Variants in GRM3 observed in about 807,000 individuals in gnomAD.
GRM3 encodes the protein metabotropic glutamate receptor 3.
GRM3 carries 26 observed loss-of-function variants against 70.5 expected under a neutral mutation model. The ratio of observed to expected loss-of-function variants is 0.37; its 90% CI spans 0.27 to 0.51. The LOEUF is 0.51. Ranked by LOEUF, GRM3 falls within the 20% of genes least tolerant of loss-of-function variation. The probability of loss-of-function intolerance (pLI) is 0.93; values close to 1 mark genes in which losing one functional copy is unlikely to be tolerated. For missense variants in GRM3, 859 were observed against 1,123.8 expected (o/e 0.76, Z 3.37); for synonymous variants, 443 against 434.9 (o/e 1.02, Z -0.23).
intron 1 of GRM3, among the ~76,000 whole-genome samples, chr7:86,647,857 C>T (rs1217788724): frequency 6.6e-6 from 1 of 152,178 alleles, no homozygotes; most frequent in African/African-American, 2.4e-5. Flanking sequence ...TACTTCAGTC[C>T]AGTCTGACTT....
In GRM3 at chr7:86,839,744, G is replaced by A. The variant is rs776508668; in HGVS notation, c.2230G>A (p.Asp744Asn). ...CAGCATGTTGATCTCTCTTACCTAC[G>A]ATGTGATCCTGGTGATCTTATGCAC... ...DSSMLISLTY[D>N]VILVILCTVY... Residue 744 changes from aspartate to asparagine, a missense_variant, in exon 4 of 6, where the codon GAT becomes AAT. By Grantham distance (23) the Asp-to-Asn change is conservative. Transcript: ENST00000361669. This position sits in a 1 kb window ranked among gnomAD's most constrained non-coding sequence, Gnocchi z 4.5. 33 of 1,613,942 alleles carry A rather than the reference G, an allele frequency of 2.0e-5. No homozygotes were observed. The highest frequency in any genetic ancestry group is 1.6e-4 in the East Asian group (7 of 44,884).
chr7:86,782,429 A>G (rs1359702667), intron 2 of GRM3, among the ~76,000 whole-genome samples: 2 of 152,060 alleles, frequency 1.3e-5, no homozygotes, highest in African/African-American at 4.8e-5. Context: ...AATGGAGAGA[A>G]TGAGAAAGTA....
At chr7:86,843,526 C>T (rs1286613659) in intron 4 of GRM3, among the ~76,000 whole-genome samples, 1 of 152,196 alleles carries the variant, frequency 6.6e-6, no homozygotes, top group East Asian at 1.9e-4. Flanking sequence ...ACTAACCATT[C>T]TCAGATAGTT....
At chr7:86,690,310 T>A (rs563548709) in intron 1 of GRM3, among the ~76,000 whole-genome samples, 2 of 152,116 alleles carry the variant, frequency 1.3e-5, no homozygotes, top group South Asian at 2.1e-4. Context: ...GAAGGTGAGG[T>A]CTTGATGCCA....
chr7:86,823,005 C>T (rs2116690371), intron 3 of GRM3, among the ~76,000 whole-genome samples: 1 of 152,176 alleles, frequency 6.6e-6, no homozygotes, highest in East Asian at 1.9e-4. Context: ...ACAGGAGAGC[C>T]ACTGAGACCT....
intron 1 of GRM3, among the ~76,000 whole-genome samples, chr7:86,646,020 AGGG>A (rs1793463575): frequency 1.2e-3 from 6 of 4,822 alleles, no homozygotes; most frequent in Admixed American, 2.0e-3. Flanking sequence ...GGGGGGTGGG[AGGG>A]AGTTTAGGGG....
chr7:86,707,894 A>AT (rs1185053252), intron 1 of GRM3, among the ~76,000 whole-genome samples: 19 of 152,146 alleles, frequency 1.2e-4, no homozygotes, highest in African/African-American at 4.3e-4. Flanking sequence ...CACTGATGAA[A>AT]GCACTTTACA....
chr7:86,647,594 A>C (rs1793505347), intron 1 of GRM3, among the ~76,000 whole-genome samples: 1 of 152,174 alleles, frequency 6.6e-6, no homozygotes, highest in African/African-American at 2.4e-5. Context: ...TCACTTTGCT[A>C]TTTTAAACTG....
chr7:86,829,887 A>G (rs1798316599), intron 3 of GRM3, among the ~76,000 whole-genome samples: 1 of 152,232 alleles, frequency 6.6e-6, no homozygotes, highest in Non-Finnish European at 1.5e-5. Flanking sequence ...TGTTCGATGC[A>G]GGGTTGCTAC....
chr7:86,763,794 T>C (rs1412885000), intron 1 of GRM3, among the ~76,000 whole-genome samples: 2 of 152,096 alleles, frequency 1.3e-5, no homozygotes, highest in Admixed American at 6.6e-5. Context: ...GTACAGGTTA[T>C]ACAACAAAAA....
Position 86,782,685 on chromosome 7 carries a change from C to T in GRM3, c.469-3576C>T, listed in dbSNP as rs531969096. ...AACATACATACAGACAGCACCCATT[C>T]TGTGTTGCTGGTTCTTCTAACACCA... On this transcript the variant is annotated intron_variant, in intron 2 of 5. Transcript: ENST00000361669. Among the ~76,000 whole-genome samples, 10 of 152,332 alleles carry T rather than the reference C, an allele frequency of 6.6e-5. No individual in the cohort carries two copies. In the East Asian group the frequency reaches 1.7e-3, roughly 26 times the overall value.
intron 3 of GRM3, among the ~76,000 whole-genome samples, chr7:86,829,562 T>C (rs542457282): frequency 6.6e-6 from 1 of 152,314 alleles, no homozygotes; most frequent in East Asian, 1.9e-4. Context: ...AGGTCATTAA[T>C]TGGCCTAATG....
At chr7:86,690,194 T>C (rs1584167750) in intron 1 of GRM3, among the ~76,000 whole-genome samples, 1 of 152,040 alleles carries the variant, frequency 6.6e-6, no homozygotes, top group East Asian at 1.9e-4. Context: ...AGTAGAGGGA[T>C]CAGGCCTGGA....
intron 1 of GRM3, among the ~76,000 whole-genome samples, chr7:86,712,398 T>A (rs1044899139): frequency 6.6e-6 from 1 of 152,100 alleles, no homozygotes; most frequent in African/African-American, 2.4e-5. Context: ...GGGAGGTACA[T>A]GAGATAATTT....
chr7:86,713,308 C>T (rs1337252294), intron 1 of GRM3, among the ~76,000 whole-genome samples: 1 of 152,012 alleles, frequency 6.6e-6, no homozygotes. Context: ...ATATTTTGCT[C>T]ATTTTAAAGT....
intron 1 of GRM3, among the ~76,000 whole-genome samples, chr7:86,686,129 A>C (rs1794560962): frequency 6.6e-6 from 1 of 152,094 alleles, no homozygotes; most frequent in Non-Finnish European, 1.5e-5. Context: ...AAATATAAAA[A>C]CTGAAATTGA....
At chr7:86,821,688 T>C (rs1798123465) in intron 3 of GRM3, among the ~76,000 whole-genome samples, 1 of 152,040 alleles carries the variant, frequency 6.6e-6, no homozygotes, top group Non-Finnish European at 1.5e-5. Context: ...AATAAACGAT[T>C]CCTCGAAGGT....
At chr7:86,679,369 G>C (rs73398441) in intron 1 of GRM3, among the ~76,000 whole-genome samples, 1 of 151,954 alleles carries the variant, frequency 6.6e-6, no homozygotes, top group Non-Finnish European at 1.5e-5. Context: ...ACAAATACAG[G>C]AAGAAGAAAC....
intron 3 of GRM3, among the ~76,000 whole-genome samples, chr7:86,835,596 C>A (rs888233068): frequency 2.6e-5 from 4 of 152,160 alleles, no homozygotes; most frequent in African/African-American, 9.6e-5. Context: ...TTAATATGTT[C>A]AGTTTATATA....
Sources: gnomAD v4.1 joint callset for allele counts (sites outside exome capture counted in the v4.1 genomes callset) on GRCh38, gnomAD v4.1.1 for gene constraint, Gnocchi (gnomAD v3.1) non-coding constraint, MANE v1.5 for transcripts, NCBI Gene and HGNC (gene_info 2026-07-23, HGNC 2026-07-21) for gene names.